Variants in OSBPL3 observed in about 807,000 individuals in gnomAD.
OSBPL3 encodes the protein oxysterol-binding protein-related protein 3.
A neutral mutation model predicts 120.1 loss-of-function variants in OSBPL3; 65 were observed. The ratio of observed to expected loss-of-function variants is 0.54; its 90% confidence interval spans 0.44 to 0.67. The LOEUF (loss-of-function observed/expected upper bound fraction) is 0.67. Ranked by LOEUF, OSBPL3 falls within the 30% of genes least tolerant of loss-of-function variation. The probability of loss-of-function intolerance (pLI) is 0.00; values close to 1 mark genes in which losing one functional copy is unlikely to be tolerated. For synonymous variants in OSBPL3, 416 were observed against 402.6 expected, an observed-to-expected ratio of 1.03 and a Z score of -0.40; for missense variants, 1,004 against 1,082.1, an observed-to-expected ratio of 0.93 and a Z score of 1.01.
chr7:24,843,605 C>T (rs1046347270), intron 12 of OSBPL3, among the ~76,000 whole-genome samples: 1 of 152,164 alleles, frequency 6.6e-6, no homozygotes, highest in African/African-American at 2.4e-5. Context: ...AAATTGCTTG[C>T]TTCAGTTTAT....
At chr7:24,944,327 A>G (rs1348745801) in intron 1 of OSBPL3, among the ~76,000 whole-genome samples, 2 of 152,106 alleles carry the variant, frequency 1.3e-5, no homozygotes, top group African/African-American at 2.4e-5. Context: ...AGAAACTCCA[A>G]GTGTTAAAAA....
rs941104519 is a variant in OSBPL3 at position 24,813,329 on chromosome 7, C to G, written c.2172+1730G>C. ...CCACTTGCAGCATCTCTTTCAACAC[C>G]AGACATGCCCAGTGTTCATCTCTCA... On this transcript the variant is annotated intron_variant, in intron 19 of 22. Transcript: ENST00000313367. The surrounding 1 kb of genome is among the most constrained non-coding windows in gnomAD (Gnocchi z 4.5). 1.3e-5 allele frequency among the ~76,000 whole-genome samples: 2 copies of G among 152,160 alleles called. No individual in the cohort carries two copies. Among genetic ancestry groups the G allele is most frequent in the African/African-American group, 4.8e-5 (2 of 41,402 alleles).
intron 2 of OSBPL3, among the ~76,000 whole-genome samples, chr7:24,878,619 T>A (rs1803190361): frequency 6.6e-6 from 1 of 152,244 alleles, no homozygotes; most frequent in Non-Finnish European, 1.5e-5. Context: ...CACATTTCAA[T>A]CACTGAGAAC....
chr7:24,929,010 A>G (rs1210420546), intron 1 of OSBPL3, among the ~76,000 whole-genome samples: 1 of 152,230 alleles, frequency 6.6e-6, no homozygotes, highest in African/African-American at 2.4e-5. Flanking sequence ...AATACAAAGA[A>G]GCAGTACGAC....
At chr7:24,935,348 C>T (rs1392212251) in intron 1 of OSBPL3, among the ~76,000 whole-genome samples, 2 of 152,136 alleles carry the variant, frequency 1.3e-5, no homozygotes, top group Non-Finnish European at 2.9e-5. Context: ...TGGTAAGCTA[C>T]AGAACTTACT....
chr7:24,951,496 A>C (rs559420184), intron 1 of OSBPL3, among the ~76,000 whole-genome samples: 47 of 152,336 alleles, frequency 3.1e-4, no homozygotes, highest in Admixed American at 7.2e-4. Context: ...ACAAAAAATA[A>C]AAACACTTTT....
At chr7:24,836,572 G>A (rs1797023529) in intron 14 of OSBPL3, among the ~76,000 whole-genome samples, 1 of 151,884 alleles carries the variant, frequency 6.6e-6, no homozygotes, top group South Asian at 2.1e-4. Flanking sequence ...CTTTTCCTTC[G>A]TTTCATGCTC....
At chr7:24,864,246 A>C (rs1303479282) in intron 7 of OSBPL3, among the ~76,000 whole-genome samples, 1 of 152,198 alleles carries the variant, frequency 6.6e-6, no homozygotes, top group African/African-American at 2.4e-5. Context: ...CTGTTCACTG[A>C]ATGCTGATGG....
chr7:24,945,827 C>A (rs1269217331), intron 1 of OSBPL3, among the ~76,000 whole-genome samples: 1 of 152,190 alleles, frequency 6.6e-6, no homozygotes, highest in Non-Finnish European at 1.5e-5. Flanking sequence ...GTGGAGAATA[C>A]ATTTTAGAGT....
rs1812018580 is a variant in OSBPL3, at chr7:24,933,336, G to T, written c.-149-40715C>A. Among the ~76,000 whole-genome samples the T allele has an allele frequency of 6.6e-6, 1 of 152,130 alleles. No individual in the cohort carries two copies. The highest frequency in any genetic ancestry group is 1.5e-5 in the Non-Finnish European group (1 of 68,024). ...AGAGTCAAAAAAAGAACCAACCCAT[G>T]AAGGTAAAAAGCAACCTTGCCAACA... is the stretch of plus-strand genomic sequence containing the variant. On this transcript the variant is annotated intron_variant, in intron 1 of 22. Transcript: ENST00000313367. The surrounding 1 kb of genome is among the most constrained non-coding windows in gnomAD (Gnocchi z 5.1).
In OSBPL3 at chr7:24,968,924, C is replaced by T. The variant is rs1816693516; in HGVS notation, c.-150+10962G>A. 6.6e-6 allele frequency among the ~76,000 whole-genome samples: 1 copy of T among 152,104 alleles called. No homozygotes were observed. Among genetic ancestry groups the T allele is most frequent in the Non-Finnish European group, 1.5e-5 (1 of 68,026 alleles). ...GTACTTACTGATGAAAATTAAGTTA[C>T]TTGCAATCTGGTATTTATTCAAATA... On this transcript the variant is annotated intron_variant, in intron 1 of 22. Coordinates refer to ENST00000313367, the MANE Select transcript of OSBPL3 (RefSeq NM_015550.4). The surrounding 1 kb of genome is among the most constrained non-coding windows in gnomAD (Gnocchi z 4.6).
chr7:24,854,271 T>C lies in OSBPL3; in HGVS notation c.1028-1637A>G, dbSNP rs1048943062. The stretch of plus-strand genomic sequence containing the variant: ...CAGACACATGTCTTCTCAAATGACC[T>C]AGCACATTACTGAATTCCACAGGGC... On this transcript the variant is annotated intron_variant, in intron 10 of 22. Coordinates refer to ENST00000313367, the MANE Select transcript of OSBPL3 (RefSeq NM_015550.4). This position sits in a 1 kb window ranked among gnomAD's most constrained non-coding sequence, Gnocchi z 4.1. Among the ~76,000 whole-genome samples the C allele has an allele frequency of 6.6e-6, 1 of 152,194 alleles. No homozygotes were observed. The highest frequency in any genetic ancestry group is 2.4e-5 in the African/African-American group (1 of 41,434).
At chr7:24,850,110 G>T (rs184347295) in intron 11 of OSBPL3, among the ~76,000 whole-genome samples, 1 of 152,088 alleles carries the variant, frequency 6.6e-6, no homozygotes, top group African/African-American at 2.4e-5. Flanking sequence ...TCACTTACCT[G>T]CATAAGGGCT....
At chr7:24,839,756 A>G (rs1797465574) in intron 14 of OSBPL3, among the ~76,000 whole-genome samples, 1 of 152,164 alleles carries the variant, frequency 6.6e-6, no homozygotes, top group Admixed American at 6.5e-5. Flanking sequence ...TGGGAGGCAG[A>G]GGCAGGTAGA....
chr7:24,974,455 C>T (rs540502302), intron 1 of OSBPL3, among the ~76,000 whole-genome samples: 2 of 152,310 alleles, frequency 1.3e-5, no homozygotes, highest in East Asian at 3.9e-4. Context: ...TAAAATGCTG[C>T]AGTCATCTGA....
Position 24,870,800 on chromosome 7 carries a change from C to T in OSBPL3, c.313G>A (p.Val105Met). ...LHGCIDVGLS[V>M]MSVKKSSKCI... ...TTTGATGACTTCTTTACAGACATCA[C>T]TGAGAGCCCGACATCAATGCAGCCA... is the stretch of plus-strand genomic sequence containing the variant. Residue 105 changes from valine (V) to methionine (M), a missense_variant, in exon 5 of 23, where the codon GTG becomes ATG. Physicochemically the swap from Val to Met is conservative, Grantham distance 21. Transcript: ENST00000313367. 1 of 1,613,942 alleles carries T rather than the reference C, an allele frequency of 6.2e-7. No individual in the cohort carries two copies. Among genetic ancestry groups the T allele is most frequent in the East Asian group, 2.2e-5 (1 of 44,884 alleles).
rs1276634377 is a variant in OSBPL3 at position 24,851,901 on chromosome 7, T to C, written c.1158+603A>G. ...CCTGTCAGTGATTTTCCTGTTACTATGAAGGTATAGTGATTGCCTGACAGG... is the reference window on the plus strand; with the variant it reads ...CCTGTCAGTGATTTTCCTGTTACTACGAAGGTATAGTGATTGCCTGACAGG... On this transcript the variant is annotated intron_variant, in intron 11 of 22. Transcript: ENST00000313367. This position sits in a 1 kb window ranked among gnomAD's most constrained non-coding sequence, Gnocchi z 4.1. Among the ~76,000 whole-genome samples the C allele has an allele frequency of 3.3e-5, 5 of 152,194 alleles. No individual in the cohort carries two copies. Among genetic ancestry groups the C allele is most frequent in the Non-Finnish European group, 7.3e-5 (5 of 68,032 alleles).
At position 24,854,588 on chromosome 7, in the gene OSBPL3, G is replaced by C. The variant is rs192482116; in HGVS notation, c.1028-1954C>G. ...GCCAACAGAAGATGGGGGTCAAATG[G>C]AACTAAAATTTTCTAACGACGCCTA... is the stretch of plus-strand genomic sequence containing the variant. On this transcript the variant is annotated intron_variant, in intron 10 of 22. Transcript: ENST00000313367. This position sits in a 1 kb window ranked among gnomAD's most constrained non-coding sequence, Gnocchi z 4.1. Among the ~76,000 whole-genome samples the C allele has an allele frequency of 1.1e-3, 160 of 151,514 alleles. 1 individual carries two copies. The highest frequency in any genetic ancestry group is 1.2e-3 in the Non-Finnish European group (83 of 67,942).
Position 24,808,912 on chromosome 7 carries a change from C to T in OSBPL3, c.2317+895G>A, listed in dbSNP as rs1054558528. On this transcript the variant is annotated intron_variant, in intron 20 of 22. Coordinates refer to ENST00000313367, the MANE Select transcript of OSBPL3 (RefSeq NM_015550.4). The surrounding 1 kb of genome is among the most constrained non-coding windows in gnomAD (Gnocchi z 4.6). ...AGCTCTTTTGTCCTCTCATTACATG[C>T]TTGGTATGCTGTCATGCAGGGGTAT... is the stretch of plus-strand genomic sequence containing the variant. Among the ~76,000 whole-genome samples, 1 of 152,192 alleles carries T rather than the reference C, an allele frequency of 6.6e-6. No individual in the cohort carries two copies. Among genetic ancestry groups the T allele is most frequent in the African/African-American group, 2.4e-5 (1 of 41,438 alleles).
Sources: allele counts gnomAD v4.1 joint callset (sites outside exome capture counted in the v4.1 genomes callset), GRCh38; gene constraint gnomAD v4.1.1; non-coding constraint Gnocchi (gnomAD v3.1); transcripts MANE v1.5; gene names NCBI Gene and HGNC (gene_info 2026-07-23, HGNC 2026-07-21).